CSMD1: variants seen among roughly 807,000 people sequenced by gnomAD.
CSMD1 encodes the protein CUB and sushi domain-containing protein 1.
Under a neutral mutation model 417.5 loss-of-function variants are expected in CSMD1, and 213 were observed. The ratio of observed to expected loss-of-function variants is 0.51; its 90% CI spans 0.46 to 0.57. The LOEUF (loss-of-function observed/expected upper bound fraction) is 0.57, where lower values mean the gene tolerates loss of function less well. CSMD1 is among the 20% of genes least tolerant of loss of function. The probability of loss-of-function intolerance (pLI) is 0.00; values close to 1 mark genes in which losing one functional copy is unlikely to be tolerated. For synonymous variants in CSMD1, 2,862 were observed against 1,736.8 expected (o/e 1.65, Z -16.11); for missense variants, 6,923 against 4,529.7 (o/e 1.53, Z -15.17).
At chr8:4,973,896 A>C (rs76554124) in intron 1 of CSMD1, among the ~76,000 whole-genome samples, 3,629 of 152,276 alleles carry the variant, frequency 0.024, 134 homozygotes, top group African/African-American at 0.083. Context: ...GGCTGAAAAC[A>C]TTTTTCTCCA....
intron 49 of CSMD1, among the ~76,000 whole-genome samples, chr8:3,086,100 G>T (rs1161005155): frequency 6.6e-6 from 1 of 152,068 alleles, no homozygotes; most frequent in Non-Finnish European, 1.5e-5. Flanking sequence ...TTCAGCAACA[G>T]ATTCTACGAC....
rs527975403 is a variant in CSMD1, at chr8:2,962,697, A to G, written c.9455-58T>C. The G allele has an allele frequency of 2.6e-4, 404 of 1,532,006 alleles. 1 individual carries two copies. The highest frequency in any genetic ancestry group is 3.5e-4 in the Middle Eastern group (2 of 5,658). 94.9% of individuals were successfully genotyped at this position (1,532,006 alleles called of 1,614,324 possible). A position where few individuals can be genotyped will look rare whatever the true frequency, so the allele number is the denominator to read the frequency against. ...CAACGTCCCTGGATCAGCTTCACCA[A>G]TTGAGCTTGGTAACTAGTTTCTGTT... is the stretch of plus-strand genomic sequence containing the variant. On this transcript the variant is annotated intron_variant, in intron 60 of 69. Transcript: ENST00000635120.
intron 5 of CSMD1, among the ~76,000 whole-genome samples, chr8:3,908,930 C>T (rs567078605): frequency 6.6e-6 from 1 of 152,298 alleles, no homozygotes; most frequent in Non-Finnish European, 1.5e-5. Context: ...GCTTTGCAAG[C>T]GCTGGCAAAC....
At chr8:3,759,691 C>T (rs1176681282) in intron 5 of CSMD1, among the ~76,000 whole-genome samples, 2 of 146,522 alleles carry the variant, frequency 1.4e-5, no homozygotes, top group African/African-American at 2.6e-5. Context: ...GTCAGGAGTT[C>T]GAGACCAGCC....
chr8:4,263,834 G>T (rs529162191), intron 3 of CSMD1, among the ~76,000 whole-genome samples: 36 of 152,184 alleles, frequency 2.4e-4, no homozygotes, highest in Admixed American at 1.5e-3. Context: ...ACCAATTTTT[G>T]ATAGCACTCA....
chr8:3,312,112 C>T (rs576932688), intron 23 of CSMD1, among the ~76,000 whole-genome samples: 1 of 152,130 alleles, frequency 6.6e-6, no homozygotes, highest in South Asian at 2.1e-4. Context: ...AAAAAACAAG[C>T]AAAGAAAAAA....
At chr8:3,362,478 C>T (rs1429664514) in intron 20 of CSMD1, among the ~76,000 whole-genome samples, 1 of 152,176 alleles carries the variant, frequency 6.6e-6, no homozygotes, top group Non-Finnish European at 1.5e-5. Flanking sequence ...TTCTTAGCTC[C>T]CTGGATGCCA....
intron 3 of CSMD1, among the ~76,000 whole-genome samples, chr8:4,354,051 A>C (rs534274204): frequency 2.0e-5 from 3 of 152,308 alleles, no homozygotes; most frequent in South Asian, 2.1e-4. Flanking sequence ...GTGTCTATGC[A>C]GCTATATATC....
chr8:4,477,294 G>T (rs1043657657), intron 2 of CSMD1, among the ~76,000 whole-genome samples: 11 of 152,142 alleles, frequency 7.2e-5, no homozygotes, highest in African/African-American at 2.7e-4. Context: ...GGCTGAGCTG[G>T]TCCTCACCGT....
intron 5 of CSMD1, among the ~76,000 whole-genome samples, chr8:3,985,352 C>CA (rs1814239514): frequency 6.6e-6 from 1 of 152,096 alleles, no homozygotes; most frequent in Non-Finnish European, 1.5e-5. Context: ...TTACAGATTG[C>CA]ATTGTTTTGT....
Position 3,256,396 on chromosome 8 carries a change from T to C in CSMD1, c.4154-26165A>G, listed in dbSNP as rs533529694. 2.0e-5 allele frequency among the ~76,000 whole-genome samples: 3 copies of C among 152,062 alleles called. No homozygotes were observed. The South Asian group carries it at 6.3e-4, about 32-fold the overall frequency. ...TGTAACAATGGCAGTAGGCAGACAC[T>C]GTGCCCCAGCAGTACATGTTGCAGC... On this transcript the variant is annotated intron_variant, in intron 26 of 69. Transcript: ENST00000635120.
At chr8:4,926,299 C>T (rs867148794) in intron 1 of CSMD1, among the ~76,000 whole-genome samples, 3 of 151,974 alleles carry the variant, frequency 2.0e-5, no homozygotes, top group African/African-American at 4.8e-5. Flanking sequence ...TTGGTTCTAA[C>T]GAAAGGAAGA....
chr8:3,825,915 G>T (rs747960989), intron 5 of CSMD1, among the ~76,000 whole-genome samples: 2 of 152,170 alleles, frequency 1.3e-5, no homozygotes, highest in South Asian at 2.1e-4. Context: ...AGACATGCAG[G>T]TAAGAATTCA....
At chr8:4,907,819 G>T (rs930296536) in intron 1 of CSMD1, among the ~76,000 whole-genome samples, 1 of 151,668 alleles carries the variant, frequency 6.6e-6, no homozygotes, top group African/African-American at 2.4e-5. Flanking sequence ...TCTTTCCTCA[G>T]CCTCGCAAAG....
chr8:4,456,797 G>T (rs76083514), intron 2 of CSMD1, among the ~76,000 whole-genome samples: 1 of 151,860 alleles, frequency 6.6e-6, no homozygotes, highest in Non-Finnish European at 1.5e-5. Flanking sequence ...GTAAGCTGAA[G>T]AAGCTACCTG....
At chr8:4,494,568 A>C (rs1278785186) in intron 2 of CSMD1, among the ~76,000 whole-genome samples, 1 of 152,210 alleles carries the variant, frequency 6.6e-6, no homozygotes, top group African/African-American at 2.4e-5. Flanking sequence ...CTATGGATTA[A>C]AAATAATGCA....
At chr8:2,943,693 A>G (rs1375903140) in intron 68 of CSMD1, among the ~76,000 whole-genome samples, 1 of 152,224 alleles carries the variant, frequency 6.6e-6, no homozygotes, top group African/African-American at 2.4e-5. Context: ...CTGTTGCCAA[A>G]GGAGGAAGTA....
At chr8:3,183,243 G>A (rs1201998377) in intron 36 of CSMD1, 1 of 126,192 alleles carries the variant, frequency 7.9e-6, no homozygotes, top group African/African-American at 2.8e-5. Flanking sequence ...CGATACCATC[G>A]GCATCCATCC....
chr8:3,119,261 C>T lies in CSMD1; in HGVS notation c.6242-674G>A, dbSNP rs192190097. On this transcript the variant is annotated intron_variant, in intron 41 of 69. Coordinates refer to ENST00000635120, the MANE Select transcript of CSMD1 (RefSeq NM_033225.6). ...GGGTGAACATATACCTAATAATTCC[C>T]TTTTATTTTAAATAGGAAATATACT... Among the ~76,000 whole-genome samples the T allele has an allele frequency of 2.7e-3, 405 of 151,962 alleles. 2 individuals are homozygous for T. The highest frequency in any genetic ancestry group is 4.6e-3 in the South Asian group (22 of 4,802).
Sources: allele counts gnomAD v4.1 joint callset (sites outside exome capture counted in the v4.1 genomes callset), GRCh38; gene constraint gnomAD v4.1.1; transcripts MANE v1.5; gene names NCBI Gene and HGNC (gene_info 2026-07-23, HGNC 2026-07-21).